CADPS2: variants seen among roughly 807,000 people sequenced by gnomAD.
CADPS2 encodes the protein calcium dependent secretion activator 2, also known as calcium-dependent secretion activator 2.
Under a neutral mutation model 172.5 loss-of-function variants are expected in CADPS2, and 93 were observed. The ratio of observed to expected loss-of-function variants is 0.54; its 90% CI spans 0.46 to 0.64. The LOEUF is 0.64. Among genes scored for constraint, CADPS2 ranks in the 30% least tolerant of loss-of-function variants. The pLI is 0.00. For synonymous variants in CADPS2, 546 were observed against 555.2 expected (o/e 0.98, Z 0.23); for missense variants, 1,420 against 1,565.9 (o/e 0.91, Z 1.57).
At chr7:122,767,355 A>G in intron 1 of CADPS2, among the ~76,000 whole-genome samples, 1 of 152,190 alleles carries the variant, frequency 6.6e-6, no homozygotes, top group Non-Finnish European at 1.5e-5. Context: ...GCCCATGCAG[A>G]TAAGTGATAG....
chr7:122,462,426 A>C (rs2054566713), intron 14 of CADPS2, among the ~76,000 whole-genome samples: 1 of 152,180 alleles, frequency 6.6e-6, no homozygotes, highest in Admixed American at 6.5e-5. Context: ...TACCAATAAA[A>C]AGTTTATAGA....
At chr7:122,794,942 C>T (rs1050338117) in intron 1 of CADPS2, among the ~76,000 whole-genome samples, 3 of 151,908 alleles carry the variant, frequency 2.0e-5, no homozygotes, top group Non-Finnish European at 4.4e-5. Context: ...ATACAACATA[C>T]CAGAATCTCT....
intron 2 of CADPS2, among the ~76,000 whole-genome samples, chr7:122,727,143 C>T (rs2091188153): frequency 6.6e-6 from 1 of 151,848 alleles, no homozygotes; most frequent in Non-Finnish European, 1.5e-5. Flanking sequence ...AACAAATGTG[C>T]CCTTCAAAGG....
chr7:122,520,742 A>G (rs1342717172), intron 8 of CADPS2, among the ~76,000 whole-genome samples: 4 of 152,256 alleles, frequency 2.6e-5, no homozygotes, highest in South Asian at 4.1e-4. Flanking sequence ...AAATTCTCCA[A>G]ACACATTACT....
intron 9 of CADPS2, among the ~76,000 whole-genome samples, chr7:122,502,991 G>A (rs2059330635): frequency 1.3e-5 from 2 of 151,614 alleles, no homozygotes; most frequent in Middle Eastern, 3.4e-3. Flanking sequence ...TATCTTGCTG[G>A]GAAAGCACAA....
chr7:122,420,330 C>A (rs2048397811), intron 17 of CADPS2, among the ~76,000 whole-genome samples: 1 of 152,182 alleles, frequency 6.6e-6, no homozygotes. Flanking sequence ...AGTACAAACT[C>A]TGAGAGTACC....
chr7:122,645,488 G>GTATATATATTTAAGTATATATACT (rs1563950120), intron 3 of CADPS2, among the ~76,000 whole-genome samples: 4 of 94,296 alleles, frequency 4.2e-5, no homozygotes, highest in South Asian at 5.9e-4. Context: ...TATATTTAGC[G>GTATATATATTTAAGTATATATACT]TATATATATA....
At chr7:122,509,338 A>G (rs1353210134) in intron 9 of CADPS2, among the ~76,000 whole-genome samples, 1 of 152,154 alleles carries the variant, frequency 6.6e-6, no homozygotes, top group Admixed American at 6.6e-5. Context: ...TCCCGTGCCA[A>G]CTCAGCTGAT....
At chr7:122,845,907 A>T (rs957697430) in intron 1 of CADPS2, among the ~76,000 whole-genome samples, 12 of 152,226 alleles carry the variant, frequency 7.9e-5, no homozygotes, top group Admixed American at 6.5e-4. Context: ...AGAGGGAAAC[A>T]CAAAATAGCG....
chr7:122,340,742 G>A (rs1406031834), intron 28 of CADPS2, among the ~76,000 whole-genome samples: 3 of 151,900 alleles, frequency 2.0e-5, no homozygotes, highest in Non-Finnish European at 4.4e-5. Context: ...ATTAAAAATG[G>A]AATTGAAGAA....
chr7:122,424,034 T>G (rs907713404), intron 17 of CADPS2: 6 of 152,224 alleles, frequency 3.9e-5, no homozygotes, highest in African/African-American at 1.4e-4. Flanking sequence ...GATTGCCAGA[T>G]AGGATAGTGT....
At chr7:122,572,033 A>G (rs1377204869) in intron 7 of CADPS2, among the ~76,000 whole-genome samples, 1 of 152,202 alleles carries the variant, frequency 6.6e-6, no homozygotes, top group Non-Finnish European at 1.5e-5. Context: ...CCAGCATTAT[A>G]TATCTACATG....
At chr7:122,465,159 G>C (rs2054974041) in intron 14 of CADPS2, among the ~76,000 whole-genome samples, 1 of 152,020 alleles carries the variant, frequency 6.6e-6, no homozygotes, top group Non-Finnish European at 1.5e-5. Context: ...GACTGAGGAA[G>C]GGAAGAATTG....
intron 5 of CADPS2, among the ~76,000 whole-genome samples, chr7:122,615,561 A>G (rs2074806976): frequency 6.6e-6 from 1 of 152,176 alleles, no homozygotes; most frequent in Non-Finnish European, 1.5e-5. Flanking sequence ...TGTCATAAAT[A>G]TAAGCCATAG....
chr7:122,474,198 A>G (rs932772811), intron 13 of CADPS2, among the ~76,000 whole-genome samples, 183 bp downstream of exon 13: 1 of 152,176 alleles, frequency 6.6e-6, no homozygotes, highest in African/African-American at 2.4e-5. Context: ...TAATTTTCAA[A>G]TTGGGAAGCA....
chr7:122,471,826 C>G (rs1322653286), intron 13 of CADPS2, among the ~76,000 whole-genome samples: 1 of 151,978 alleles, frequency 6.6e-6, no homozygotes, highest in East Asian at 1.9e-4. Flanking sequence ...CAAAATTAGT[C>G]AAATTTATTC....
At chr7:122,861,290 G>T (rs1382324000) in intron 1 of CADPS2, among the ~76,000 whole-genome samples, 1 of 152,098 alleles carries the variant, frequency 6.6e-6, no homozygotes, top group African/African-American at 2.4e-5. Flanking sequence ...TTTGATAATA[G>T]CCATTCTAAC....
chr7:122,401,804 T>C (rs533413834), intron 20 of CADPS2, among the ~76,000 whole-genome samples: 10 of 152,102 alleles, frequency 6.6e-5, no homozygotes, highest in Non-Finnish European at 1.5e-4. Context: ...GAGGCTGACT[T>C]TGTTTTCATC....
At chr7:122,541,868 CAT>C (rs2063118187) in intron 8 of CADPS2, among the ~76,000 whole-genome samples, 2 of 121,978 alleles carry the variant, frequency 1.6e-5, no homozygotes, top group East Asian at 2.6e-4. Context: ...TATATATATG[CAT>C]ATATATTTAT....
Sources: allele counts gnomAD v4.1 joint callset (sites outside exome capture counted in the v4.1 genomes callset), GRCh38; gene constraint gnomAD v4.1.1; transcripts MANE v1.5; gene names NCBI Gene and HGNC (gene_info 2026-07-23, HGNC 2026-07-21).